Variants in THSD7A observed in about 807,000 individuals in gnomAD.
The protein encoded by THSD7A is thrombospondin type-1 domain-containing protein 7A.
In THSD7A, 96 loss-of-function variants were observed where a neutral mutation model predicts 231.3. That is an observed-to-expected ratio of 0.41 (90% CI 0.35 to 0.49). The LOEUF (loss-of-function observed/expected upper bound fraction) is 0.49. Among genes scored for constraint, THSD7A ranks in the 20% least tolerant of loss-of-function variants. The pLI, the probability that THSD7A is intolerant of heterozygous loss-of-function variation, is 0.05. For synonymous variants in THSD7A, 940 were observed against 743.3 expected (o/e 1.26, Z -4.30); for missense variants, 2,290 against 2,070.2 (o/e 1.11, Z -2.06).
chr7:11,769,156 T>A (rs1166621809), intron 1 of THSD7A, among the ~76,000 whole-genome samples: 33 of 108,910 alleles, frequency 3.0e-4, no homozygotes, highest in East Asian at 1.5e-3. Flanking sequence ...TATATATATT[T>A]TTTTTTTTTT....
intron 1 of THSD7A, chr7:11,820,581 T>C (rs1014223925): frequency 1.4e-6 from 1 of 717,196 alleles, no homozygotes; most frequent in Admixed American, 2.4e-5. Flanking sequence ...GTTCCCAGAG[T>C]AGTTGCCTCT....
intron 1 of THSD7A, among the ~76,000 whole-genome samples, chr7:11,691,608 C>T (rs1416690393): frequency 4.0e-5 from 6 of 151,264 alleles, no homozygotes. Context: ...TAATCCATAA[C>T]ATCTATATCT....
Position 11,481,862 on chromosome 7 carries a change from T to C in THSD7A, c.1943A>G (p.His648Arg). 1 of 1,613,750 alleles carries C rather than the reference T, an allele frequency of 6.2e-7. No individual in the cohort carries two copies. Among genetic ancestry groups the C allele is most frequent in the Non-Finnish European group, 8.5e-7 (1 of 1,179,726 alleles). The part of the protein sequence containing the change: ...STWSTWSSCS[H>R]TCSGKTTEGK... ...TTCTGTCGTTTTCCCTGAGCAGGTG[T>C]GTGAGCAGGAGGACCACGTAGACCA... Residue 648 changes from histidine to arginine, a missense_variant, in exon 7 of 28, where the codon CAC (histidine) becomes CGC (arginine). Physicochemically the swap from His to Arg is conservative, Grantham distance 29. Coordinates refer to ENST00000423059, the MANE Select transcript of THSD7A (RefSeq NM_015204.3).
At chr7:11,579,289 G>A (rs1376756829) in intron 4 of THSD7A, among the ~76,000 whole-genome samples, 1 of 152,144 alleles carries the variant, frequency 6.6e-6, no homozygotes, top group African/African-American at 2.4e-5. Context: ...TCCCTATTGA[G>A]CAATCATCAG....
chr7:11,651,751 T>G (rs1047504966), intron 1 of THSD7A, among the ~76,000 whole-genome samples: 56 of 152,122 alleles, frequency 3.7e-4, no homozygotes, highest in African/African-American at 1.1e-3. Context: ...TTTTCTTTGT[T>G]TTATTAAACA....
At chr7:11,710,480 T>G (rs1780917418) in intron 1 of THSD7A, among the ~76,000 whole-genome samples, 1 of 150,836 alleles carries the variant, frequency 6.6e-6, no homozygotes, top group South Asian at 2.1e-4. Flanking sequence ...AAAAACATGC[T>G]GCAAAATTTG....
At chr7:11,802,354 T>C (rs1048039113) in intron 1 of THSD7A, among the ~76,000 whole-genome samples, 2 of 152,154 alleles carry the variant, frequency 1.3e-5, no homozygotes, top group African/African-American at 4.8e-5. Context: ...TTTATTATTT[T>C]CTCATGTGAT....
chr7:11,578,552 C>T (rs541409320), intron 4 of THSD7A, among the ~76,000 whole-genome samples: 1 of 152,262 alleles, frequency 6.6e-6, no homozygotes, highest in South Asian at 2.1e-4. Context: ...AAACACTATG[C>T]CCTCTCTCAG....
chr7:11,701,899 C>T (rs1455656226), intron 1 of THSD7A, among the ~76,000 whole-genome samples: 1 of 151,178 alleles, frequency 6.6e-6, no homozygotes, highest in Non-Finnish European at 1.5e-5. Context: ...CTCTTTCCTC[C>T]CCTCTTTCCT....
intron 12 of THSD7A, 111 bp downstream of exon 12, chr7:11,447,119 A>C: frequency 3.0e-6 from 3 of 989,038 alleles, no homozygotes; most frequent in Non-Finnish European, 4.5e-6. Context: ...ATACATCTAA[A>C]TCCATTGGCA....
intron 1 of THSD7A, among the ~76,000 whole-genome samples, chr7:11,772,433 C>T (rs550085967): frequency 4.6e-5 from 7 of 152,136 alleles, no homozygotes; most frequent in South Asian, 2.1e-4. Context: ...ATATGTTCAT[C>T]ACAGCACTAT....
chr7:11,829,149 G>C (rs78030320), intron 1 of THSD7A, among the ~76,000 whole-genome samples: 8,454 of 152,020 alleles, frequency 0.056, 785 homozygotes, highest in African/African-American at 0.19. Flanking sequence ...CTGATCAATA[G>C]TTGGCTATTA....
intron 24 of THSD7A, among the ~76,000 whole-genome samples, chr7:11,380,332 C>T (rs1285482004): frequency 6.6e-6 from 1 of 151,782 alleles, no homozygotes; most frequent in East Asian, 1.9e-4. Context: ...CCAACTGTGC[C>T]TAATTTGTCT....
intron 1 of THSD7A, among the ~76,000 whole-genome samples, chr7:11,761,617 TATC>T (rs1250080712): frequency 2.6e-5 from 4 of 152,158 alleles, no homozygotes; most frequent in African/African-American, 9.7e-5. Context: ...TAGTACTTCT[TATC>T]ATTTACCATC....
chr7:11,589,994 T>C (rs1780086995), intron 4 of THSD7A, among the ~76,000 whole-genome samples: 1 of 152,238 alleles, frequency 6.6e-6, no homozygotes, highest in South Asian at 2.1e-4. Context: ...TTCTATTCTG[T>C]ACTTATTTAA....
chr7:11,504,141 G>A (rs1388926774), intron 6 of THSD7A, among the ~76,000 whole-genome samples: 2 of 152,254 alleles, frequency 1.3e-5, no homozygotes, highest in East Asian at 1.9e-4. Flanking sequence ...AAAAAAGAAC[G>A]AGATCATGTC....
chr7:11,398,902 G>C (rs565691255), intron 23 of THSD7A, among the ~76,000 whole-genome samples: 8 of 152,220 alleles, frequency 5.3e-5, no homozygotes, highest in South Asian at 4.1e-4. Context: ...TGTATCAAAG[G>C]CTCATCTTGA....
At chr7:11,682,901 G>A (rs545247478) in intron 1 of THSD7A, among the ~76,000 whole-genome samples, 1 of 151,922 alleles carries the variant, frequency 6.6e-6, no homozygotes, top group Non-Finnish European at 1.5e-5. Context: ...GAGGCTGCTG[G>A]ATCATGAGGT....
rs776387160 is a variant in THSD7A at position 11,375,892 on chromosome 7, C to A, written c.4890-14G>T. ...TTTGGCTTTTTGCTGTAAAAAAATT[C>A]GGAATTAGGAGAAAGAAAATCAGTT... On this transcript the variant is annotated splice_polypyrimidine_tract_variant and intron_variant, in intron 27 of 27. Coordinates refer to ENST00000423059, the MANE Select transcript of THSD7A (RefSeq NM_015204.3). 14 of 1,610,372 alleles carry A rather than the reference C, an allele frequency of 8.7e-6. No homozygotes were observed. The highest frequency in any genetic ancestry group is 1.2e-5 in the Non-Finnish European group (14 of 1,177,712).
Sources: allele counts gnomAD v4.1 joint callset (sites outside exome capture counted in the v4.1 genomes callset), GRCh38; gene constraint gnomAD v4.1.1; transcripts MANE v1.5; gene names NCBI Gene and HGNC (gene_info 2026-07-23, HGNC 2026-07-21).